Variants in DAB1 observed in about 807,000 individuals in gnomAD.
The protein encoded by DAB1 is disabled homolog 1.
A neutral mutation model predicts 64.6 loss-of-function variants in DAB1; 15 were observed. The ratio of observed to expected loss-of-function variants is 0.23; its 90% CI spans 0.16 to 0.36. The LOEUF (loss-of-function observed/expected upper bound fraction) is 0.36. DAB1 is among the 10% of genes least tolerant of loss of function. The pLI, the probability that DAB1 is intolerant of heterozygous loss-of-function variation, is 1.00. For missense variants in DAB1, 596 were observed against 706.7 expected, an observed-to-expected ratio of 0.84 and a Z score of 1.78; for synonymous variants, 235 against 251.9, an observed-to-expected ratio of 0.93 and a Z score of 0.64.
At chr1:57,721,216 T>C (rs1213910114) in intron 6 of DAB1, among the ~76,000 whole-genome samples, 1 of 152,112 alleles carries the variant, frequency 6.6e-6, no homozygotes, top group South Asian at 2.1e-4. Flanking sequence ...GGCAAGAAAA[T>C]TGAATGACTG....
intron 7 of DAB1, among the ~76,000 whole-genome samples, chr1:57,500,498 T>C (rs1215605256): frequency 6.6e-6 from 1 of 152,218 alleles, no homozygotes; most frequent in Admixed American, 6.5e-5. Context: ...GAGGTCTTTT[T>C]TAAATACCGT....
intron 7 of DAB1, among the ~76,000 whole-genome samples, chr1:57,576,711 C>T (rs1307076232): frequency 6.6e-6 from 1 of 152,090 alleles, no homozygotes. Flanking sequence ...CCCTAGGAAA[C>T]TAATACAGGT....
intron 5 of DAB1, among the ~76,000 whole-genome samples, chr1:58,054,011 T>C (rs1404678691): frequency 6.6e-6 from 1 of 152,222 alleles, no homozygotes; most frequent in Non-Finnish European, 1.5e-5. Context: ...GGGAAGAAGT[T>C]AGAAAGGAAG....
intron 6 of DAB1, among the ~76,000 whole-genome samples, chr1:57,651,348 C>G (rs1295999570): frequency 1.3e-5 from 2 of 152,014 alleles, no homozygotes; most frequent in Admixed American, 6.5e-5. Context: ...TATATATAAA[C>G]TAAGTAGAGA....
At chr1:57,487,219 C>T (rs1357889962) in intron 7 of DAB1, among the ~76,000 whole-genome samples, 4 of 152,214 alleles carry the variant, frequency 2.6e-5, no homozygotes, top group African/African-American at 9.6e-5. Context: ...CTTAATTCTT[C>T]TCTGACCTGA....
At chr1:58,055,390 C>A (rs574322557) in intron 5 of DAB1, among the ~76,000 whole-genome samples, 1 of 152,332 alleles carries the variant, frequency 6.6e-6, no homozygotes, top group Non-Finnish European at 1.5e-5. Flanking sequence ...CCATTTAGAT[C>A]TGTGCTCACA....
chr1:58,004,844 T>C (rs1202711), intron 5 of DAB1, among the ~76,000 whole-genome samples: 94,443 of 151,834 alleles, frequency 0.62, 30,045 homozygotes, highest in East Asian at 0.97. Context: ...AAGCCACATG[T>C]ATTTCAGACC....
intron 1 of DAB1, among the ~76,000 whole-genome samples, chr1:57,872,697 T>C (rs764182542): frequency 2.6e-5 from 4 of 152,082 alleles, no homozygotes; most frequent in Non-Finnish European, 4.4e-5. Context: ...CAGAGGGGTA[T>C]GGTCAGTGTT....
At chr1:57,143,985 A>G (rs1311922624) in intron 3 of DAB1, among the ~76,000 whole-genome samples, 1 of 151,674 alleles carries the variant, frequency 6.6e-6, no homozygotes, top group Non-Finnish European at 1.5e-5. Context: ...TGAAGGGGAA[A>G]AAGTCCCAAG....
intron 4 of DAB1, among the ~76,000 whole-genome samples, chr1:58,172,273 C>T (rs1656216317): frequency 1.3e-5 from 2 of 152,194 alleles, no homozygotes; most frequent in Non-Finnish European, 2.9e-5. Flanking sequence ...ACTTGTGGAA[C>T]AATCCCACAA....
At chr1:58,403,108 G>A (rs376754735) in intron 3 of DAB1, among the ~76,000 whole-genome samples, 51 of 152,192 alleles carry the variant, frequency 3.4e-4, no homozygotes, top group East Asian at 2.9e-3. Context: ...GTTGAGTTGT[G>A]TTAAAGTAAA....
intron 4 of DAB1, among the ~76,000 whole-genome samples, chr1:58,317,230 G>C (rs970547400): frequency 6.6e-6 from 1 of 152,226 alleles, no homozygotes; most frequent in Non-Finnish European, 1.5e-5. Flanking sequence ...CATGGGAGCT[G>C]AGTGTTTGGT....
Position 57,298,123 on chromosome 1 carries a change from T to C in DAB1, c.-136-6957A>G, listed in dbSNP as rs553765208. Among the ~76,000 whole-genome samples the C allele has an allele frequency of 3.4e-4, 52 of 152,276 alleles. No homozygotes were observed. In the Middle Eastern group the frequency reaches 0.01, roughly 30 times the overall value. ...ATGTCATTAACCTGTCAATCTTTTT[T>C]TTTTATTTTTATTTTTTAATGTCAA... On this transcript the variant is annotated intron_variant, in intron 1 of 14. Transcript: ENST00000371236.
intron 14 of DAB1, among the ~76,000 whole-genome samples, chr1:57,001,605 G>T (rs1645870568): frequency 6.6e-6 from 1 of 152,118 alleles, no homozygotes; most frequent in Non-Finnish European, 1.5e-5. Context: ...GTCACTCAAA[G>T]GAAAAGGCAA....
At chr1:58,074,195 G>A (rs1280267978) in intron 5 of DAB1, among the ~76,000 whole-genome samples, 1 of 152,058 alleles carries the variant, frequency 6.6e-6, no homozygotes, top group Admixed American at 6.5e-5. Context: ...ATAGGAGGAA[G>A]GGTACCACAT....
At chr1:57,868,034 G>A (rs1654380382) in intron 1 of DAB1, among the ~76,000 whole-genome samples, 1 of 152,136 alleles carries the variant, frequency 6.6e-6, no homozygotes, top group African/African-American at 2.4e-5. Flanking sequence ...GCTTAACTTA[G>A]TAGAAAAGCT....
At chr1:58,320,080 A>G (rs1056606396) in intron 4 of DAB1, among the ~76,000 whole-genome samples, 4 of 152,222 alleles carry the variant, frequency 2.6e-5, no homozygotes, top group Non-Finnish European at 4.4e-5. Flanking sequence ...TAGGTATGCT[A>G]TGGAGAGAGA....
intron 1 of DAB1, among the ~76,000 whole-genome samples, chr1:57,366,300 T>C (rs539185578): frequency 6.6e-6 from 1 of 152,366 alleles, no homozygotes; most frequent in Admixed American, 6.5e-5. Flanking sequence ...TCCTTCCATT[T>C]TTGTTCCTTA....
intron 3 of DAB1, among the ~76,000 whole-genome samples, chr1:58,453,463 G>A (rs1645161133): frequency 1.3e-5 from 2 of 152,176 alleles, no homozygotes; most frequent in African/African-American, 4.8e-5. Context: ...CAACCTGAAA[G>A]GATCTCCTTC....
Sources: gnomAD v4.1 joint callset for allele counts (sites outside exome capture counted in the v4.1 genomes callset) on GRCh38, gnomAD v4.1.1 for gene constraint, MANE v1.5 for transcripts, NCBI Gene and HGNC (gene_info 2026-07-23, HGNC 2026-07-21) for gene names.